UNC13C: variants seen among roughly 807,000 people sequenced by gnomAD.
UNC13C encodes the protein protein unc-13 homolog C.
Under a neutral mutation model 245.4 loss-of-function variants are expected in UNC13C, and 174 were observed. The observed-to-expected ratio is 0.71, with a 90% CI of 0.63 to 0.80. The LOEUF (loss-of-function observed/expected upper bound fraction) is 0.80, where lower values mean the gene tolerates loss of function less well. UNC13C is among the 30% of genes least tolerant of loss of function. The probability of loss-of-function intolerance (pLI) is 0.00; values close to 1 mark genes in which losing one functional copy is unlikely to be tolerated. For synonymous variants in UNC13C, 992 were observed against 895.1 expected (o/e 1.11, Z -1.93); for missense variants, 2,829 against 2,602.9 (o/e 1.09, Z -1.89).
intron 17 of UNC13C, among the ~76,000 whole-genome samples, chr15:54,351,839 A>G (rs1035583710): frequency 2.0e-5 from 3 of 152,174 alleles, no homozygotes; most frequent in Middle Eastern, 3.4e-3. Flanking sequence ...AACTCAACTA[A>G]TTATAACAAA....
chr15:53,995,008 G>C (rs1017615797), intron 1 of UNC13C, among the ~76,000 whole-genome samples: 2 of 151,778 alleles, frequency 1.3e-5, no homozygotes, highest in Non-Finnish European at 2.9e-5. Context: ...AGGAATGAAG[G>C]GTGAACCTGG....
intron 2 of UNC13C, among the ~76,000 whole-genome samples, chr15:54,096,947 T>G (rs945717918): frequency 6.6e-6 from 1 of 152,232 alleles, no homozygotes; most frequent in African/African-American, 2.4e-5. Context: ...GGGAAACTTT[T>G]GTCTATACTA....
At chr15:53,899,607 A>T in the UNC13C span, among the ~76,000 whole-genome samples, 1 of 151,852 alleles carries the variant, frequency 6.6e-6, no homozygotes, top group African/African-American at 2.4e-5. Flanking sequence ...TTTTAGACGG[A>T]GTTTCACTCT....
chr15:54,369,852 G>A (rs1014265335), intron 17 of UNC13C, among the ~76,000 whole-genome samples: 2 of 152,066 alleles, frequency 1.3e-5, no homozygotes, highest in Admixed American at 6.6e-5. Flanking sequence ...TTCTAATAAC[G>A]CATCTCGCTT....
chr15:54,298,722 CTTAG>C (rs1271638728), intron 12 of UNC13C, among the ~76,000 whole-genome samples: 4 of 152,032 alleles, frequency 2.6e-5, no homozygotes, highest in African/African-American at 7.2e-5. Context: ...TCGCTGAGAG[CTTAG>C]TTAGAGGTGT....
At position 54,505,260 on chromosome 15, in the gene UNC13C, T is replaced by C. The variant is rs983346988; in HGVS notation, c.5302-1857T>C. On this transcript the variant is annotated intron_variant, in intron 22 of 32. Coordinates refer to ENST00000260323, the MANE Select transcript of UNC13C (RefSeq NM_001080534.3). ...TAAGCTCACACACCCAGAAGTCTTA[T>C]GTTCCAGGCCTTGCCAGGTGCCCCG... is the stretch of plus-strand genomic sequence containing the variant. Among the ~76,000 whole-genome samples the C allele has an allele frequency of 3.3e-5, 5 of 152,198 alleles. No individual in the cohort carries two copies. The East Asian group carries it at 5.8e-4, about 18-fold the overall frequency.
chr15:54,574,013 G>A (rs111890395), intron 30 of UNC13C, among the ~76,000 whole-genome samples: 15 of 152,296 alleles, frequency 9.8e-5, no homozygotes, highest in African/African-American at 1.4e-4. Flanking sequence ...AGGAAAGTAC[G>A]TACTTGCGCT....
chr15:54,144,981 C>T (rs944488219), intron 4 of UNC13C, among the ~76,000 whole-genome samples: 1 of 151,454 alleles, frequency 6.6e-6, no homozygotes, highest in East Asian at 1.9e-4. Context: ...AAACCAAGAC[C>T]GGGTTTTGCC....
At chr15:54,415,704 T>A (rs772477665) in intron 19 of UNC13C, among the ~76,000 whole-genome samples, 1 of 152,164 alleles carries the variant, frequency 6.6e-6, no homozygotes, top group Non-Finnish European at 1.5e-5. Context: ...ATTGAGCCCA[T>A]AGATACTAAA....
the UNC13C span, among the ~76,000 whole-genome samples, chr15:53,862,936 C>T: frequency 1.3e-5 from 2 of 152,126 alleles, no homozygotes; most frequent in African/African-American, 4.8e-5. Context: ...TTCATTTCAT[C>T]CCAGTGGCCC....
At chr15:54,296,326 G>T (rs1041744507) in intron 11 of UNC13C, among the ~76,000 whole-genome samples, 2 of 151,204 alleles carry the variant, frequency 1.3e-5, no homozygotes, top group Non-Finnish European at 2.9e-5. Flanking sequence ...TCAGCCTCCC[G>T]AGTAGCTGGG....
chr15:54,136,928 A>G (rs1265996297), intron 2 of UNC13C, among the ~76,000 whole-genome samples: 1 of 151,832 alleles, frequency 6.6e-6, no homozygotes, highest in Non-Finnish European at 1.5e-5. Context: ...TGCAGCCTCA[A>G]TATTCTCAAT....
intron 26 of UNC13C, among the ~76,000 whole-genome samples, chr15:54,543,732 C>G (rs151182007): frequency 6.6e-6 from 1 of 151,894 alleles, no homozygotes; most frequent in African/African-American, 2.4e-5. Flanking sequence ...ATACCCTCCC[C>G]AGACAAACCC....
chr15:54,370,543 C>G lies in UNC13C; in HGVS notation c.4714-22505C>G, dbSNP rs147046669. Reference sequence around the variant, plus strand: ...TATCATGATACGATCATGTCTGCCACTGCTTCAGTGCTAATTCACATTGAA... The same window carrying G: ...TATCATGATACGATCATGTCTGCCAGTGCTTCAGTGCTAATTCACATTGAA... On this transcript the variant is annotated intron_variant, in intron 17 of 32. Transcript: ENST00000260323. 6.0e-3 allele frequency among the ~76,000 whole-genome samples: 914 copies of G among 152,290 alleles called. 14 individuals are homozygous for G. Among genetic ancestry groups the G allele is most frequent in the Non-Finnish European group, 5.2e-3 (354 of 68,022 alleles).
intron 19 of UNC13C, among the ~76,000 whole-genome samples, chr15:54,470,462 T>C (rs1038272244): frequency 6.6e-6 from 1 of 151,600 alleles, no homozygotes; most frequent in Non-Finnish European, 1.5e-5. Context: ...TCTTTGTGAT[T>C]CAGTCTTGGT....
intron 4 of UNC13C, among the ~76,000 whole-genome samples, chr15:54,184,830 G>A (rs2033920191): frequency 1.3e-5 from 2 of 152,098 alleles, no homozygotes; most frequent in African/African-American, 2.4e-5. Context: ...CTAGATCCCT[G>A]AGCAATTGCC....
At chr15:53,845,350 A>C in the UNC13C span, among the ~76,000 whole-genome samples, 4 of 151,702 alleles carry the variant, frequency 2.6e-5, no homozygotes, top group East Asian at 7.7e-4. Context: ...TTATAACAGA[A>C]TGTTCAGCAT....
the UNC13C span, among the ~76,000 whole-genome samples, chr15:53,876,831 C>A: frequency 6.6e-6 from 1 of 152,058 alleles, no homozygotes; most frequent in Admixed American, 6.6e-5. Context: ...CAAATAAATA[C>A]AGAGATGAAT....
At position 54,049,361 on chromosome 15, in the gene UNC13C, T is replaced by C. The variant is rs1437083024; in HGVS notation, c.2983+33475T>C. The C allele has an allele frequency of 4.9e-5, 25 of 513,848 alleles. No individual in the cohort carries two copies. In the Admixed American group the frequency reaches 5.5e-4, roughly 11 times the overall value. 31.8% of individuals were successfully genotyped at this position (513,848 alleles called of 1,614,324 possible). On this transcript the variant is annotated intron_variant, in intron 2 of 32. Coordinates refer to ENST00000260323, the MANE Select transcript of UNC13C (RefSeq NM_001080534.3). ...CTAACATCTACAAGAAGAAAATGTC[T>C]TTCTGCCTGCAGGATAAAACTAACA... is the stretch of plus-strand genomic sequence containing the variant.
Sources: gnomAD v4.1 joint callset for allele counts (sites outside exome capture counted in the v4.1 genomes callset) on GRCh38, gnomAD v4.1.1 for gene constraint, MANE v1.5 for transcripts, NCBI Gene and HGNC (gene_info 2026-07-23, HGNC 2026-07-21) for gene names.